Variants in PRKCQ observed in about 807,000 individuals in gnomAD.
PRKCQ encodes protein kinase C theta type.
A neutral mutation model predicts 91.2 loss-of-function variants in PRKCQ; 41 were observed. That is an observed-to-expected ratio of 0.45 (90% CI 0.35 to 0.58). PRKCQ has a LOEUF of 0.58. PRKCQ is among the 20% of genes least tolerant of loss of function. The pLI, the probability that PRKCQ is intolerant of heterozygous loss-of-function variation, is 0.00. For missense variants in PRKCQ, 673 were observed against 896.5 expected (o/e 0.75, Z 3.18); for synonymous variants, 307 against 316.9 (o/e 0.97, Z 0.33).
intron 1 of PRKCQ, among the ~76,000 whole-genome samples, chr10:6,568,437 C>T (rs1394196771): frequency 6.6e-6 from 1 of 150,998 alleles, no homozygotes; most frequent in African/African-American, 2.4e-5. Context: ...CATTCTTTTG[C>T]TTATAGAATA....
At chr10:6,470,221 G>A (rs1261907370) in intron 12 of PRKCQ, among the ~76,000 whole-genome samples, 1 of 151,916 alleles carries the variant, frequency 6.6e-6, no homozygotes, top group Non-Finnish European at 1.5e-5. Context: ...TTCCTCTCCT[G>A]TCCTCCGATA....
intron 1 of PRKCQ, among the ~76,000 whole-genome samples, chr10:6,565,591 A>G (rs915819394): frequency 2.0e-4 from 30 of 152,200 alleles, no homozygotes; most frequent in Non-Finnish European, 3.2e-4. Flanking sequence ...TTTAAAAAGA[A>G]ACAAAAAGCC....
chr10:6,464,080 C>G (rs557517796), intron 13 of PRKCQ, among the ~76,000 whole-genome samples: 3 of 152,262 alleles, frequency 2.0e-5, no homozygotes, highest in East Asian at 1.9e-4. Flanking sequence ...CCTGATGAAT[C>G]GGGATGGTTC....
intron 8 of PRKCQ, among the ~76,000 whole-genome samples, chr10:6,489,750 A>G (rs1837172697): frequency 6.6e-6 from 1 of 151,758 alleles, no homozygotes; most frequent in Non-Finnish European, 1.5e-5. Context: ...AGGGGAGGGG[A>G]GCACTTGAAA....
chr10:6,478,558 G>A (rs1836397460), intron 12 of PRKCQ, among the ~76,000 whole-genome samples: 3 of 152,192 alleles, frequency 2.0e-5, no homozygotes, highest in Admixed American at 2.0e-4. Context: ...GCTCACTGAT[G>A]AGCCCACTCC....
chr10:6,549,742 C>T (rs1312860291), intron 1 of PRKCQ, among the ~76,000 whole-genome samples: 6 of 151,166 alleles, frequency 4.0e-5, no homozygotes, highest in Admixed American at 2.0e-4. Flanking sequence ...GAAATTCTCC[C>T]GCCTCAGCCT....
chr10:6,500,654 C>G (rs562497153), intron 4 of PRKCQ, among the ~76,000 whole-genome samples: 8 of 151,266 alleles, frequency 5.3e-5, no homozygotes, highest in Non-Finnish European at 1.2e-4. Context: ...TTTGTATTGA[C>G]TATATTTATT....
intron 15 of PRKCQ, among the ~76,000 whole-genome samples, chr10:6,449,486 G>T (rs1248218947): frequency 6.6e-6 from 1 of 152,132 alleles, no homozygotes; most frequent in East Asian, 1.9e-4. Flanking sequence ...CAGGGAGAAT[G>T]GAACCAAGTT....
intron 17 of PRKCQ, among the ~76,000 whole-genome samples, chr10:6,429,375 T>C (rs1219503374): frequency 6.6e-6 from 1 of 152,236 alleles, no homozygotes; most frequent in East Asian, 1.9e-4. Flanking sequence ...TGTGGTTCTG[T>C]CACAAGTAAT....
intron 4 of PRKCQ, among the ~76,000 whole-genome samples, chr10:6,506,979 A>C (rs1258485119): frequency 6.6e-6 from 1 of 152,206 alleles, no homozygotes; most frequent in Non-Finnish European, 1.5e-5. Context: ...AAAGGACTTG[A>C]GGTGACTAAC....
rs146768940 is a variant in PRKCQ, at chr10:6,522,101, C to A, written c.-9-6957G>T. ...GGATTACAGGTGCGTGCCACCACGC[C>A]CGGCTAAGTTTTGTATTTTTAGTAG... On this transcript the variant is annotated intron_variant, in intron 1 of 17. Coordinates refer to ENST00000263125, the MANE Select transcript of PRKCQ (RefSeq NM_006257.5). 9.4e-3 allele frequency among the ~76,000 whole-genome samples: 1,427 copies of A among 152,194 alleles called. 18 individuals carry two copies. The highest frequency in any genetic ancestry group is 0.033 in the African/African-American group (1,351 of 41,508).
chr10:6,417,060 G>T, the PRKCQ span, among the ~76,000 whole-genome samples: 1 of 152,182 alleles, frequency 6.6e-6, no homozygotes, highest in Non-Finnish European at 1.5e-5. Context: ...GGAAATACAA[G>T]TTTGGGACAC....
the PRKCQ span, among the ~76,000 whole-genome samples, chr10:6,409,618 T>C: frequency 6.6e-6 from 1 of 152,226 alleles, no homozygotes; most frequent in African/African-American, 2.4e-5. Flanking sequence ...ACATACACTT[T>C]CTGGAATTTC....
chr10:6,397,232 G>C, the PRKCQ span, among the ~76,000 whole-genome samples: 13 of 152,220 alleles, frequency 8.5e-5, no homozygotes, highest in South Asian at 2.7e-3. Flanking sequence ...GAGTAGCTGG[G>C]ATTACAGGCA....
chr10:6,513,516 G>A (rs867220713), intron 2 of PRKCQ, among the ~76,000 whole-genome samples: 1 of 150,674 alleles, frequency 6.6e-6, no homozygotes, highest in South Asian at 2.1e-4. Context: ...AAAGAGAACT[G>A]GATCCAGGAG....
intron 4 of PRKCQ, among the ~76,000 whole-genome samples, chr10:6,505,928 G>A (rs551487544): frequency 1.3e-5 from 2 of 152,296 alleles, no homozygotes; most frequent in Middle Eastern, 3.4e-3. Flanking sequence ...TTACAGGCAT[G>A]AGCCACCATG....
chr10:6,521,917 GTTATGTTAT>G (rs529806447), intron 1 of PRKCQ, among the ~76,000 whole-genome samples: 2,341 of 44,882 alleles, frequency 0.052, 72 homozygotes, highest in African/African-American at 0.083. Context: ...GTTATGTTAT[GTTATGTTAT>G]TTATTTATTT....
the PRKCQ span, among the ~76,000 whole-genome samples, chr10:6,404,260 G>GAGAGAGAC: frequency 7.4e-6 from 1 of 135,050 alleles, no homozygotes; most frequent in African/African-American, 3.2e-5. Context: ...GGGGGGGAGA[G>GAGAGAGAC]AGAGAGAGAG....
chr10:6,426,013 T>G (rs12413321), downstream of PRKCQ, among the ~76,000 whole-genome samples: 58,292 of 151,912 alleles, frequency 0.38, 13,516 homozygotes, highest in East Asian at 0.76. Flanking sequence ...AGAGGACGAC[T>G]GGAAGGAAAA....
Sources: gnomAD v4.1 joint callset for allele counts (sites outside exome capture counted in the v4.1 genomes callset) on GRCh38, gnomAD v4.1.1 for gene constraint, MANE v1.5 for transcripts, NCBI Gene and HGNC (gene_info 2026-07-23, HGNC 2026-07-21) for gene names.